WWOX: variants seen among roughly 807,000 people sequenced by gnomAD.
The protein encoded by WWOX is WW domain-containing oxidoreductase.
A neutral mutation model predicts 46.2 loss-of-function variants in WWOX; 69 were observed. The ratio of observed to expected loss-of-function variants is 1.49; its 90% CI spans 1.23 to 1.82. The LOEUF is 1.82. Among genes scored for constraint, WWOX ranks in the 40% most tolerant of loss-of-function variants. The pLI is 0.00. For synonymous variants in WWOX, 359 were observed against 202.6 expected (o/e 1.77, Z -6.56); for missense variants, 919 against 542.6 (o/e 1.69, Z -6.89).
rs999026298 is a variant in WWOX, at chr16:78,345,356, C to T, written c.517-41504C>T. Among the ~76,000 whole-genome samples, 5 of 108,006 alleles carry T rather than the reference C, an allele frequency of 4.6e-5. 2 individuals are homozygous for T. In the Admixed American group the frequency reaches 4.8e-4, roughly 10 times the overall value. The allele number at this position is 108,006 out of a possible 152,430, so 70.9% of individuals were successfully genotyped here. A position where few individuals can be genotyped will look rare whatever the true frequency, so the allele number is the denominator to read the frequency against. On this transcript the variant is annotated intron_variant, in intron 5 of 8. Transcript: ENST00000566780. ...TAAAATAAGGCTAGACATGCTGGCT[C>T]ATACCTTTAATCCCAGCACTTTGCG...
chr16:78,315,224 T>C (rs966032504), intron 5 of WWOX, among the ~76,000 whole-genome samples: 3 of 152,222 alleles, frequency 2.0e-5, no homozygotes, highest in African/African-American at 7.2e-5. Context: ...CTTGAAATTG[T>C]TCTATATCTA....
chr16:78,177,429 A>G (rs998421671), intron 5 of WWOX, among the ~76,000 whole-genome samples: 1 of 152,174 alleles, frequency 6.6e-6, no homozygotes, highest in Non-Finnish European at 1.5e-5. Flanking sequence ...TGATACTCCC[A>G]TGACTCATGA....
chr16:78,622,946 G>C (rs888803159), intron 8 of WWOX, among the ~76,000 whole-genome samples: 3 of 152,114 alleles, frequency 2.0e-5, no homozygotes, highest in Non-Finnish European at 4.4e-5. Flanking sequence ...CTTGCAGTAA[G>C]GAACTGCATT....
intron 8 of WWOX, among the ~76,000 whole-genome samples, chr16:78,840,848 C>T (rs80082804): frequency 0.013 from 1,922 of 151,874 alleles, 23 homozygotes; most frequent in South Asian, 0.026. Context: ...TTGGTAATCC[C>T]CCAGGGGATG....
intron 5 of WWOX, among the ~76,000 whole-genome samples, chr16:78,362,540 T>C (rs1323636917): frequency 6.6e-6 from 1 of 151,588 alleles, no homozygotes; most frequent in Admixed American, 6.6e-5. Context: ...ACTCGGGAGG[T>C]GGAGGTAGCA....
intron 8 of WWOX, among the ~76,000 whole-genome samples, chr16:78,749,456 A>T (rs537057575): frequency 6.6e-6 from 1 of 152,292 alleles, no homozygotes; most frequent in African/African-American, 2.4e-5. Flanking sequence ...AGTCAAACTG[A>T]GGTTTTGGGT....
intron 8 of WWOX, among the ~76,000 whole-genome samples, chr16:78,692,972 G>T (rs933112202): frequency 1.7e-4 from 26 of 152,186 alleles, no homozygotes; most frequent in Non-Finnish European, 5.9e-5. Flanking sequence ...TCTCCCTGGG[G>T]ATGCCTTTTG....
chr16:78,646,870 G>T (rs2046856886), intron 8 of WWOX, among the ~76,000 whole-genome samples: 2 of 152,176 alleles, frequency 1.3e-5, no homozygotes, highest in South Asian at 4.1e-4. Flanking sequence ...GTCACGCTGT[G>T]TTAGGCTGTG....
At position 78,571,167 on chromosome 16, in the gene WWOX, G is replaced by T. The variant is rs762745834; in HGVS notation, c.1056+138415G>T. ...TCTGAAAATCCACTGAGGAAGAAAGGGGCAGTGATGATTCTAAATGTTAAT... is the reference window on the plus strand; with the variant it reads ...TCTGAAAATCCACTGAGGAAGAAAGTGGCAGTGATGATTCTAAATGTTAAT... On this transcript the variant is annotated intron_variant, in intron 8 of 8. Transcript: ENST00000566780. Among the ~76,000 whole-genome samples the T allele has an allele frequency of 2.6e-4, 39 of 152,280 alleles. 1 individual carries two copies. The highest frequency in any genetic ancestry group is 2.9e-4 in the Non-Finnish European group (20 of 68,030).
At chr16:78,499,153 A>T (rs183957058) in intron 8 of WWOX, among the ~76,000 whole-genome samples, 238 of 151,952 alleles carry the variant, frequency 1.6e-3, no homozygotes, top group African/African-American at 5.2e-3. Context: ...TTTCCTCGTG[A>T]TGCACGGTGA....
At chr16:78,314,988 C>T (rs1201354149) in intron 5 of WWOX, among the ~76,000 whole-genome samples, 1 of 152,146 alleles carries the variant, frequency 6.6e-6, no homozygotes, top group African/African-American at 2.4e-5. Flanking sequence ...AGAACTTCTC[C>T]TTCACTCACA....
intron 5 of WWOX, among the ~76,000 whole-genome samples, chr16:78,363,373 C>T (rs1050650832): frequency 2.0e-5 from 3 of 151,860 alleles, no homozygotes; most frequent in African/African-American, 7.3e-5. Context: ...TCCCAAGCTC[C>T]AGTGATTTTC....
chr16:78,313,935 C>T (rs534871500), intron 5 of WWOX, among the ~76,000 whole-genome samples: 1 of 152,090 alleles, frequency 6.6e-6, no homozygotes, highest in Non-Finnish European at 1.5e-5. Context: ...TGACACTTCC[C>T]TTATATCCGT....
At chr16:79,210,564 C>A (rs975591682) in intron 8 of WWOX, among the ~76,000 whole-genome samples, 5 of 152,148 alleles carry the variant, frequency 3.3e-5, no homozygotes, top group African/African-American at 9.7e-5. Context: ...TCTCTTGCAA[C>A]CCCTCTCCCT....
At chr16:78,154,293 G>T (rs2034519857) in intron 4 of WWOX, among the ~76,000 whole-genome samples, 1 of 152,102 alleles carries the variant, frequency 6.6e-6, no homozygotes, top group South Asian at 2.1e-4. Context: ...CGAGTCCATT[G>T]TGACCACTGG....
intron 8 of WWOX, among the ~76,000 whole-genome samples, chr16:78,684,661 G>A (rs1411147544): frequency 1.3e-5 from 2 of 152,198 alleles, no homozygotes; most frequent in African/African-American, 4.8e-5. Flanking sequence ...CTGCCCTCAT[G>A]GATGGGGTTG....
chr16:78,429,597 T>C (rs1451569941), intron 7 of WWOX, among the ~76,000 whole-genome samples: 1 of 152,142 alleles, frequency 6.6e-6, no homozygotes, highest in Non-Finnish European at 1.5e-5. Flanking sequence ...AGATACTCTC[T>C]AAATCCTTGT....
intron 5 of WWOX, among the ~76,000 whole-genome samples, chr16:78,365,206 C>G (rs568973908): frequency 1.3e-5 from 2 of 152,268 alleles, no homozygotes; most frequent in African/African-American, 2.4e-5. Flanking sequence ...TAGTGCCTGC[C>G]AAGAGTAACT....
intron 8 of WWOX, among the ~76,000 whole-genome samples, chr16:78,923,226 G>A (rs535746842): frequency 1.8e-4 from 27 of 151,762 alleles, no homozygotes; most frequent in African/African-American, 5.8e-4. Flanking sequence ...GGTGATCTGC[G>A]TAACTCGGCC....
Sources: allele counts gnomAD v4.1 joint callset (sites outside exome capture counted in the v4.1 genomes callset), GRCh38; gene constraint gnomAD v4.1.1; transcripts MANE v1.5; gene names NCBI Gene and HGNC (gene_info 2026-07-23, HGNC 2026-07-21).